Variants in POU3F3 observed in about 807,000 individuals in gnomAD.
POU3F3 encodes the protein POU domain, class 3, transcription factor 3.
In POU3F3, 1 loss-of-function variant was observed where a neutral mutation model predicts 8.6. That is an observed-to-expected ratio of 0.12 (90% confidence interval 0.04 to 0.55). The LOEUF (loss-of-function observed/expected upper bound fraction) is 0.55. Ranked by LOEUF, POU3F3 falls within the 20% of genes least tolerant of loss-of-function variation. POU3F3 has a pLI of 0.91. For synonymous variants in POU3F3, 418 were observed against 327.4 expected (o/e 1.28, Z -2.99); for missense variants, 577 against 690.7 (o/e 0.84, Z 1.84).
At chr2:104,902,144 C>T in the POU3F3 span, among the ~76,000 whole-genome samples, 2 of 152,114 alleles carry the variant, frequency 1.3e-5, no homozygotes, top group East Asian at 1.9e-4. Context: ...CCTCTCTCAT[C>T]ACTCCCTATT....
At chr2:104,883,508 T>C in the POU3F3 span, among the ~76,000 whole-genome samples, 5 of 152,312 alleles carry the variant, frequency 3.3e-5, no homozygotes, top group African/African-American at 9.6e-5. Context: ...CAATGTGCTA[T>C]CATACATGGA....
chr2:104,867,269 G>C, the POU3F3 span: 1 of 152,214 alleles, frequency 6.6e-6, no homozygotes, highest in Non-Finnish European at 1.5e-5. The surrounding 1 kb of genome is among the most constrained non-coding windows in gnomAD (Gnocchi z 5.0). Context: ...TCTGGAAGAG[G>C]GCAGTTGATC....
chr2:104,903,731 A>G, the POU3F3 span, among the ~76,000 whole-genome samples: 1 of 152,234 alleles, frequency 6.6e-6, no homozygotes, highest in East Asian at 1.9e-4. Context: ...GACGGTTAAT[A>G]AATTCAGCCT....
chr2:104,856,146 C>T lies in POU3F3; in HGVS notation c.636C>T (p.Gly212=). 8.2e-7 allele frequency: 1 copy of T among 1,225,792 alleles called. No individual in the cohort carries two copies. Among genetic ancestry groups the T allele is most frequent in the Non-Finnish European group, 1.0e-6 (1 of 982,012 alleles). 75.9% of individuals were successfully genotyped at this position (1,225,792 alleles called of 1,614,324 possible). A position where few individuals can be genotyped will look rare whatever the true frequency, so the allele number is the denominator to read the frequency against. The change falls in exon 1 of 1, where the codon GGC becomes GGT. Residue 212 remains glycine, a synonymous_variant. Coordinates refer to ENST00000361360, the MANE Select transcript of POU3F3 (RefSeq NM_006236.3). ...CGCACCTCCCGTCCATGGCCGGGGGCCAGCAGCCGCCGCCGCAGAGTCTGC... is the reference window on the plus strand; with the variant it reads ...CGCACCTCCCGTCCATGGCCGGGGGTCAGCAGCCGCCGCCGCAGAGTCTGC... The part of the protein sequence containing the change: ...AAAHLPSMAG[G]QQPPPQSLLY...
chr2:104,882,305 G>C, the POU3F3 span, among the ~76,000 whole-genome samples: 8,703 of 149,488 alleles, frequency 0.058, 332 homozygotes, highest in Non-Finnish European at 0.083. Context: ...GGAGTGCAGT[G>C]GTGTGATCTC....
chr2:104,915,678 C>T, the POU3F3 span, among the ~76,000 whole-genome samples: 1 of 151,738 alleles, frequency 6.6e-6, no homozygotes, highest in Non-Finnish European at 1.5e-5. Flanking sequence ...TCCCCCAAAT[C>T]CCTCAAGCCA....
chr2:104,886,768 T>G, the POU3F3 span, among the ~76,000 whole-genome samples: 309 of 151,996 alleles, frequency 2.0e-3, 2 homozygotes, highest in African/African-American at 7.1e-3. Context: ...ATTAGCTGGG[T>G]GTGATGGTGC....
downstream of POU3F3, among the ~76,000 whole-genome samples, chr2:104,863,201 T>G (rs973539151): frequency 1.9e-4 from 28 of 143,710 alleles, no homozygotes; most frequent in Non-Finnish European, 3.2e-4. Flanking sequence ...TTATTATTAT[T>G]ATTATTCTGG....
the POU3F3 span, among the ~76,000 whole-genome samples, chr2:104,894,597 C>G: frequency 4.6e-5 from 7 of 151,552 alleles, no homozygotes; most frequent in Middle Eastern, 3.4e-3. Context: ...GGTGTGGTCA[C>G]CTCCTGACCC....
At chr2:104,899,770 C>T in the POU3F3 span, among the ~76,000 whole-genome samples, 1 of 152,180 alleles carries the variant, frequency 6.6e-6, no homozygotes, top group Non-Finnish European at 1.5e-5. Context: ...TTGAGGTTTT[C>T]CAAGCTCTCG....
chr2:104,911,908 C>T, the POU3F3 span, among the ~76,000 whole-genome samples: 1 of 152,074 alleles, frequency 6.6e-6, no homozygotes, highest in South Asian at 2.1e-4. Flanking sequence ...TATGCAAATA[C>T]AAGCTGATAT....
At chr2:104,916,190 G>A in the POU3F3 span, among the ~76,000 whole-genome samples, 4 of 151,976 alleles carry the variant, frequency 2.6e-5, no homozygotes, top group Non-Finnish European at 5.9e-5. Context: ...TAATAATAAA[G>A]AGCTCAAGAT....
chr2:104,911,264 A>C, the POU3F3 span, among the ~76,000 whole-genome samples: 2 of 152,090 alleles, frequency 1.3e-5, no homozygotes, highest in African/African-American at 4.8e-5. Context: ...CAAAAAAAAA[A>C]ATAGCCAGGT....
chr2:104,900,035 T>A, the POU3F3 span, among the ~76,000 whole-genome samples: 2,258 of 152,242 alleles, frequency 0.015, 31 homozygotes, highest in Non-Finnish European at 0.023. Flanking sequence ...TAGTTCCAAA[T>A]TGAAATGGAG....
At chr2:104,893,260 G>A in the POU3F3 span, among the ~76,000 whole-genome samples, 2 of 152,220 alleles carry the variant, frequency 1.3e-5, no homozygotes, top group African/African-American at 2.4e-5. Flanking sequence ...CGATGGTGAG[G>A]ATGGTCCCCA....
At chr2:104,911,749 G>A in the POU3F3 span, among the ~76,000 whole-genome samples, 5 of 151,946 alleles carry the variant, frequency 3.3e-5, no homozygotes, top group Non-Finnish European at 5.9e-5. Flanking sequence ...AACCATCCGA[G>A]ACTGGGAAGC....
At chr2:104,927,171 C>T in the POU3F3 span, among the ~76,000 whole-genome samples, 1 of 152,172 alleles carries the variant, frequency 6.6e-6, no homozygotes, top group African/African-American at 2.4e-5. Context: ...TCTGGCATCT[C>T]TTTTATAAGG....
At chr2:104,889,710 G>C in the POU3F3 span, among the ~76,000 whole-genome samples, 1 of 152,272 alleles carries the variant, frequency 6.6e-6, no homozygotes, top group Non-Finnish European at 1.5e-5. Flanking sequence ...AAATTGTCAG[G>C]TAACTGTTCT....
chr2:104,914,611 C>T, the POU3F3 span, among the ~76,000 whole-genome samples: 2 of 152,070 alleles, frequency 1.3e-5, no homozygotes, highest in South Asian at 2.1e-4. Flanking sequence ...TGTCAGTGTC[C>T]GTGGTGAGGG....
Sources: gnomAD v4.1 joint callset for allele counts (sites outside exome capture counted in the v4.1 genomes callset) on GRCh38, gnomAD v4.1.1 for gene constraint, Gnocchi (gnomAD v3.1) non-coding constraint, MANE v1.5 for transcripts, NCBI Gene and HGNC (gene_info 2026-07-23, HGNC 2026-07-21) for gene names.